Variants in COMMD6 observed in about 807,000 individuals in gnomAD.
COMMD6 encodes COMM domain containing 6, also known as COMM domain-containing protein 6.
COMMD6 carries 11 observed loss-of-function variants against 13.4 expected under a neutral mutation model. That is an observed-to-expected ratio of 0.82 (90% CI 0.52 to 1.36). COMMD6 has a LOEUF of 1.36. Among genes scored for constraint, COMMD6 ranks in the 40% most tolerant of loss-of-function variants. COMMD6 has a pLI of 0.00. For synonymous variants in COMMD6, 43 were observed against 36.5 expected (o/e 1.18, Z -0.64); for missense variants, 124 against 102.4 (o/e 1.21, Z -0.91).
chr13:75,538,630 T>C (rs527269826), upstream of COMMD6: 4 of 152,354 alleles, frequency 2.6e-5, no homozygotes, highest in Admixed American at 6.5e-5. Flanking sequence ...TTCTTCTAAA[T>C]AACCACAATT....
At position 75,526,216 on chromosome 13, in the gene COMMD6, C is replaced by T. The variant is rs1392076472; in HGVS notation, c.*373G>A. ...TCTAATTTATATATATTTTTATATACATGACTCCAAATAAGACTGTTTATA... is the reference window on the plus strand; with the variant it reads ...TCTAATTTATATATATTTTTATATATATGACTCCAAATAAGACTGTTTATA... On this transcript the variant is annotated 3_prime_UTR_variant, in exon 4 of 4. Coordinates refer to ENST00000682242, the MANE Select transcript of COMMD6 (RefSeq NM_203495.4). 1 of 158,520 alleles carries T rather than the reference C, an allele frequency of 6.3e-6. No individual in the cohort carries two copies. The allele number at this position is 158,520 out of a possible 1,614,324, so 9.8% of individuals were successfully genotyped here.
At position 75,545,400 on chromosome 13, in the gene COMMD6, G is replaced by C. The variant is rs867368509; in HGVS notation, n.106+3923C>G. Among the ~76,000 whole-genome samples the C allele has an allele frequency of 4.0e-4, 61 of 152,158 alleles. No homozygotes were observed. In the Middle Eastern group the frequency reaches 0.014, roughly 34 times the overall value. On this transcript the variant is annotated intron_variant and non_coding_transcript_variant, in intron 1 of 2. Coordinates refer to the COMMD6 transcript ENST00000460675. ...AAATAGCAAATTTCATCAATTCTTA[G>C]ACATGTATTTTTTCACATTTACATC...
intron 1 of COMMD6, among the ~76,000 whole-genome samples, chr13:75,548,358 T>C (rs1279881243): frequency 6.6e-6 from 1 of 152,190 alleles, no homozygotes; most frequent in Non-Finnish European, 1.5e-5. Context: ...CAAAGAACAG[T>C]GGCCAGAAGA....
chr13:75,527,990 A>AC, intron 3 of COMMD6: 1 of 857,576 alleles, frequency 1.2e-6, no homozygotes, highest in Non-Finnish European at 1.6e-6. Context: ...AAAACATTTT[A>AC]CATGCCCTCA....
chr13:75,527,451 A>C (rs1378878432), intron 3 of COMMD6, among the ~76,000 whole-genome samples: 1 of 152,222 alleles, frequency 6.6e-6, no homozygotes, highest in Non-Finnish European at 1.5e-5. Context: ...AAAAGATATA[A>C]ATTAAAAGCT....
chr13:75,544,830 G>A (rs1384450236), intron 1 of COMMD6, among the ~76,000 whole-genome samples: 8 of 149,394 alleles, frequency 5.4e-5, no homozygotes, highest in Non-Finnish European at 1.0e-4. Flanking sequence ...GGAGGCTGAG[G>A]CACTAGAATT....
intron 3 of COMMD6, among the ~76,000 whole-genome samples, chr13:75,528,274 G>C (rs779780861): frequency 6.6e-6 from 1 of 151,878 alleles, no homozygotes; most frequent in African/African-American, 2.4e-5. Flanking sequence ...AATCAGGACA[G>C]CACAAATGCT....
chr13:75,542,550 A>C (rs1005900782), upstream of COMMD6, among the ~76,000 whole-genome samples: 6 of 152,044 alleles, frequency 3.9e-5, no homozygotes, highest in African/African-American at 1.4e-4. Flanking sequence ...TAGCCTCCCA[A>C]AGTACTGGGA....
intron 2 of COMMD6, among the ~76,000 whole-genome samples, chr13:75,534,146 G>C (rs2030585329): frequency 6.6e-6 from 1 of 152,080 alleles, no homozygotes; most frequent in African/African-American, 2.4e-5. Context: ...ATTCTTAACA[G>C]TATTTAGCCT....
intron 2 of COMMD6, 86 bp from the exon 3 acceptor site, chr13:75,530,352 C>G (rs1042618863): frequency 1.9e-6 from 2 of 1,074,190 alleles, no homozygotes; most frequent in Non-Finnish European, 2.7e-6. Context: ...CAGTTACACT[C>G]AACTTTTAGT....
chr13:75,528,860 A>C (rs946206654), intron 3 of COMMD6, among the ~76,000 whole-genome samples: 27 of 152,106 alleles, frequency 1.8e-4, no homozygotes, highest in African/African-American at 6.3e-4. Flanking sequence ...CCCAAAAAAA[A>C]AGAAAAAAAA....
At chr13:75,547,255 A>C (rs922292442) in intron 1 of COMMD6, among the ~76,000 whole-genome samples, 1 of 151,998 alleles carries the variant, frequency 6.6e-6, no homozygotes, top group African/African-American at 2.4e-5. Context: ...TCTCGTTTCC[A>C]GTATAAGAGC....
At chr13:75,534,037 G>A (rs2328952) in intron 2 of COMMD6, among the ~76,000 whole-genome samples, 151,512 of 152,048 alleles carry the variant, frequency 1, 75,493 homozygotes, top group Middle Eastern at 1. Context: ...TGGCATGAAT[G>A]TGACTCACTG....
At chr13:75,541,458 T>G (rs1043822383), upstream of COMMD6, among the ~76,000 whole-genome samples, 2 of 152,020 alleles carry the variant, frequency 1.3e-5, no homozygotes, top group South Asian at 4.2e-4. Context: ...ACCACCAACA[T>G]CTCTGGGTTC....
chr13:75,530,204 C>T lies in COMMD6; in HGVS notation c.117G>A (p.Lys39=), dbSNP rs1063483. The T allele has an allele frequency of 1.2e-6, 2 of 1,613,606 alleles. No individual in the cohort carries two copies. The highest frequency in any genetic ancestry group is 3.3e-5 in the Admixed American group (2 of 59,992). The change falls in exon 3 of 4, where the codon AAG becomes AAA. Residue 39 remains lysine, a synonymous_variant. Coordinates refer to ENST00000682242, the MANE Select transcript of COMMD6 (RefSeq NM_203495.4). ...TTAGCATCACTGCAACGTAAGGATA[C>T]TTAAGAGATCTGCAAGTGTCTGAGC... The part of the protein sequence containing the change: ...AVSSDTCRSL[K]YPYVAVMLKV...
At chr13:75,538,254 C>G (rs2138426132), upstream of COMMD6, among the ~76,000 whole-genome samples, 1 of 152,312 alleles carries the variant, frequency 6.6e-6, no homozygotes, top group Middle Eastern at 3.4e-3. Flanking sequence ...ATAGGATGAG[C>G]TGCTTCGCTG....
At chr13:75,530,079 A>G in intron 3 of COMMD6, 35 bp downstream of exon 3, 1 of 1,549,638 alleles carries the variant, frequency 6.5e-7, no homozygotes, top group Non-Finnish European at 8.8e-7. Flanking sequence ...ATTACAGAAA[A>G]GCTGAGCTAA....
chr13:75,537,976 A>G (rs181341735), upstream of COMMD6: 171 of 542,458 alleles, frequency 3.2e-4, 1 homozygote, highest in East Asian at 4.9e-3. Context: ...CATATATCTT[A>G]GGAGACATTG....
chr13:75,530,518 A>ATC (rs1369167883), intron 2 of COMMD6: 3 of 273,494 alleles, frequency 1.1e-5, no homozygotes, highest in Non-Finnish European at 1.4e-5. Context: ...AAAAAAAAAA[A>ATC]TCTCCCCTCC....
Sources: gnomAD v4.1 joint callset for allele counts (sites outside exome capture counted in the v4.1 genomes callset) on GRCh38, gnomAD v4.1.1 for gene constraint, MANE v1.5 for transcripts, NCBI Gene and HGNC (gene_info 2026-07-23, HGNC 2026-07-21) for gene names.